NRG3: variants seen among roughly 807,000 people sequenced by gnomAD.
NRG3 encodes pro-neuregulin-3, membrane-bound isoform.
Under a neutral mutation model 66.9 loss-of-function variants are expected in NRG3, and 31 were observed. That is an observed-to-expected ratio of 0.46 (90% CI 0.35 to 0.63). The LOEUF is 0.63. NRG3 is among the 20% of genes least tolerant of loss of function. The pLI, the probability that NRG3 is intolerant of heterozygous loss-of-function variation, is 0.00. For synonymous variants in NRG3, 393 were observed against 359.4 expected (o/e 1.09, Z -1.06); for missense variants, 910 against 878.9 (o/e 1.04, Z -0.45).
chr10:82,875,340 G>C (rs1841713793), intron 4 of NRG3, among the ~76,000 whole-genome samples: 1 of 151,956 alleles, frequency 6.6e-6, no homozygotes, highest in Non-Finnish European at 1.5e-5. Context: ...TTTATTTTAA[G>C]GAATATGACC....
intron 2 of NRG3, among the ~76,000 whole-genome samples, chr10:82,659,837 A>G (rs567275529): frequency 2.6e-5 from 4 of 152,034 alleles, no homozygotes; most frequent in African/African-American, 9.6e-5. Flanking sequence ...TTATTACTGG[A>G]CTGTTGGGAC....
At chr10:82,036,896 T>C (rs2062815804) in intron 1 of NRG3, among the ~76,000 whole-genome samples, 1 of 152,100 alleles carries the variant, frequency 6.6e-6, no homozygotes, top group African/African-American at 2.4e-5. Context: ...AACGAACAGG[T>C]CTTGGGGTAG....
chr10:82,588,494 C>A (rs566344065), intron 2 of NRG3, among the ~76,000 whole-genome samples: 3 of 151,972 alleles, frequency 2.0e-5, no homozygotes, highest in African/African-American at 2.4e-5. Flanking sequence ...AACTGTGAAC[C>A]AATTGAACCT....
intron 2 of NRG3, among the ~76,000 whole-genome samples, chr10:82,648,215 C>G (rs533192046): frequency 6.6e-6 from 1 of 152,274 alleles, no homozygotes; most frequent in South Asian, 2.1e-4. Flanking sequence ...TTTCAGCTTT[C>G]TACATATGGC....
intron 2 of NRG3, among the ~76,000 whole-genome samples, chr10:82,513,699 G>C (rs1845404486): frequency 6.6e-6 from 1 of 152,172 alleles, no homozygotes; most frequent in Admixed American, 6.5e-5. Context: ...AGAATCACTT[G>C]AACCCAGAAG....
chr10:82,561,057 T>G (rs1342748197), intron 2 of NRG3, among the ~76,000 whole-genome samples: 1 of 152,182 alleles, frequency 6.6e-6, no homozygotes, highest in Non-Finnish European at 1.5e-5. Flanking sequence ...TGGGATTGAT[T>G]TTTCATTTCA....
intron 1 of NRG3, among the ~76,000 whole-genome samples, chr10:82,048,969 C>G (rs11192303): frequency 0.25 from 38,082 of 151,966 alleles, 4,896 homozygotes; most frequent in Middle Eastern, 0.33. Flanking sequence ...ATACTACAAA[C>G]AACTACACAA....
chr10:82,312,797 CAGCATT>C (rs2081099258), intron 1 of NRG3, among the ~76,000 whole-genome samples: 1 of 151,692 alleles, frequency 6.6e-6, no homozygotes, highest in East Asian at 1.9e-4. Context: ...TCTATTTGTA[CAGCATT>C]AGTAATTTTT....
chr10:82,772,724 T>C (rs2059761911), intron 3 of NRG3, among the ~76,000 whole-genome samples: 1 of 149,352 alleles, frequency 6.7e-6, no homozygotes, highest in Non-Finnish European at 1.5e-5. Context: ...TTTTTTTTTT[T>C]TGAGATGGTC....
At chr10:81,891,532 A>G (rs1185191850) in intron 1 of NRG3, among the ~76,000 whole-genome samples, 1 of 152,142 alleles carries the variant, frequency 6.6e-6, no homozygotes, top group East Asian at 1.9e-4. Context: ...AAGGAAGATG[A>G]GGGAGGTGAT....
chr10:82,880,011 G>A (rs1355083712), intron 4 of NRG3, among the ~76,000 whole-genome samples: 1 of 126,774 alleles, frequency 7.9e-6, no homozygotes. Context: ...AGCTTGTGCT[G>A]TATTGAAAGT....
intron 2 of NRG3, among the ~76,000 whole-genome samples, chr10:82,550,573 A>G (rs1242087806): frequency 1.3e-5 from 2 of 152,232 alleles, no homozygotes; most frequent in Non-Finnish European, 2.9e-5. Context: ...CTCTAACTTA[A>G]TTGGGTGACT....
At chr10:81,890,666 C>A (rs998274180) in intron 1 of NRG3, among the ~76,000 whole-genome samples, 1 of 152,190 alleles carries the variant, frequency 6.6e-6, no homozygotes, top group African/African-American at 2.4e-5. Context: ...GTGTTCTCAT[C>A]CTGATTGCTG....
chr10:81,975,041 T>C (rs546822647), intron 1 of NRG3, among the ~76,000 whole-genome samples: 9 of 152,086 alleles, frequency 5.9e-5, no homozygotes, highest in South Asian at 4.2e-4. Context: ...TGAGAAATCA[T>C]TGGAGCACGG....
chr10:82,786,482 G>GC (rs1332077884), intron 3 of NRG3, among the ~76,000 whole-genome samples: 3 of 151,910 alleles, frequency 2.0e-5, no homozygotes, highest in South Asian at 2.1e-4. Context: ...TCCTATGCCT[G>GC]CCCCCCCATT....
At chr10:82,548,516 C>G (rs1285480556) in intron 2 of NRG3, among the ~76,000 whole-genome samples, 2 of 129,546 alleles carry the variant, frequency 1.5e-5, no homozygotes, top group Non-Finnish European at 3.2e-5. Context: ...CAAATACATT[C>G]TGTCTCTCAC....
intron 2 of NRG3, among the ~76,000 whole-genome samples, chr10:82,418,410 T>C (rs1055247016): frequency 2.6e-5 from 4 of 152,192 alleles, no homozygotes; most frequent in Non-Finnish European, 4.4e-5. Context: ...TTATGCAAAT[T>C]AACCAGTTTA....
intron 3 of NRG3, among the ~76,000 whole-genome samples, chr10:82,760,984 G>A (rs1400848754): frequency 6.6e-6 from 1 of 151,370 alleles, no homozygotes; most frequent in Non-Finnish European, 1.5e-5. Context: ...GGTACTCTTA[G>A]AACTAGAAAA....
chr10:82,921,249 A>T (rs1003779978), intron 4 of NRG3, among the ~76,000 whole-genome samples: 1 of 152,182 alleles, frequency 6.6e-6, no homozygotes, highest in African/African-American at 2.4e-5. Context: ...GTCCCGATTG[A>T]GGAACATTCT....
Sources: gnomAD v4.1 joint callset for allele counts (sites outside exome capture counted in the v4.1 genomes callset) on GRCh38, gnomAD v4.1.1 for gene constraint, MANE v1.5 for transcripts, NCBI Gene and HGNC (gene_info 2026-07-23, HGNC 2026-07-21) for gene names.